Variants in RBBP8NL observed in about 807,000 individuals in gnomAD.
RBBP8NL encodes RBBP8 N-terminal-like protein.
Under a neutral mutation model 62.2 loss-of-function variants are expected in RBBP8NL, and 59 were observed. The observed-to-expected ratio is 0.95, with a 90% CI of 0.77 to 1.18. RBBP8NL has a LOEUF of 1.18. RBBP8NL is among the 50% of genes most tolerant of loss of function. The pLI is 0.00. For missense variants in RBBP8NL, 896 were observed against 899.5 expected, an observed-to-expected ratio of 1.00 and a Z score of 0.05; for synonymous variants, 412 against 394.1, an observed-to-expected ratio of 1.05 and a Z score of -0.54.
intron 13 of RBBP8NL, among the ~76,000 whole-genome samples, chr20:62,411,787 C>T (rs992359019): frequency 5.3e-5 from 8 of 152,248 alleles, no homozygotes; most frequent in Non-Finnish European, 1.2e-4. Flanking sequence ...CCCCCCGGGG[C>T]CATTTCCACC....
rs1392796446 is a variant in RBBP8NL, at chr20:62,420,351, C to A, written c.-83-621G>T. Among the ~76,000 whole-genome samples, 10 of 56,108 alleles carry A rather than the reference C, an allele frequency of 1.8e-4. No homozygotes were observed. In the East Asian group the frequency reaches 4.2e-3, roughly 24 times the overall value. 36.8% of individuals were successfully genotyped at this position (56,108 alleles called of 152,430 possible). A position where few individuals can be genotyped will look rare whatever the true frequency, so the allele number is the denominator to read the frequency against. On this transcript the variant is annotated intron_variant, in intron 1 of 13. Transcript: ENST00000252998. ...GGCAGCTTCAATCCTGTCCCACAGG[C>A]ACACACACACACACACACACACACA...
intron 1 of RBBP8NL, among the ~76,000 whole-genome samples, chr20:62,421,452 GT>G (rs1988697861): frequency 6.6e-6 from 1 of 151,318 alleles, no homozygotes; most frequent in African/African-American, 2.4e-5. Context: ...GTGTGCATGT[GT>G]GTGTGCCGTG....
In RBBP8NL at chr20:62,413,408, G is replaced by A; in HGVS notation, c.1668C>T (p.Gly556=). ...CCCAGGTGCTGACTGTACCTGGGTG[G>A]CCGTCCAGGTCAGGCGGCTGTGGGT... The part of the protein sequence containing the change: ...PPHPQPPDLD[G]HPEPSKAEVL... Residue 556 remains glycine (G), a synonymous_variant, in exon 11 of 14, where the codon GGC becomes GGT. Transcript: ENST00000252998. 1.4e-6 allele frequency: 2 copies of A among 1,445,376 alleles called. No individual in the cohort carries two copies. Among genetic ancestry groups the A allele is most frequent in the Non-Finnish European group, 9.1e-7 (1 of 1,101,404 alleles). The allele number at this position is 1,445,376 out of a possible 1,614,324, so 89.5% of individuals were successfully genotyped here. A position where few individuals can be genotyped will look rare whatever the true frequency, so the allele number is the denominator to read the frequency against.
At chr20:62,423,478 G>A (rs765477318) in intron 1 of RBBP8NL, among the ~76,000 whole-genome samples, 2 of 152,190 alleles carry the variant, frequency 1.3e-5, no homozygotes, top group Non-Finnish European at 2.9e-5. Context: ...GGGCCAGGAG[G>A]GGGCGGAGCT....
In RBBP8NL at chr20:62,413,979, G is replaced by A. The variant is rs754032472; in HGVS notation, c.1372C>T (p.Pro458Ser). Reference sequence around the variant, plus strand: ...CTGAGTGACCCATGCTGGCCGGCCGGCTTGGGAGTGTCCTGGCCCCGGGCC... The same window carrying A: ...CTGAGTGACCCATGCTGGCCGGCCGACTTGGGAGTGTCCTGGCCCCGGGCC... ...GRARGQDTPKPAGQHGSLSPA... is the reference protein window; with the variant it reads ...GRARGQDTPKSAGQHGSLSPA... The change falls in exon 10 of 14, where the codon CCG becomes TCG. Residue 458 changes from proline (P) to serine (S), a missense_variant. By Grantham distance (74) the Pro-to-Ser change is moderately conservative. Transcript: ENST00000252998. 1.1e-5 allele frequency: 17 copies of A among 1,571,570 alleles called. No individual in the cohort carries two copies. In the Admixed American group the frequency reaches 2.9e-4, roughly 27 times the overall value.
At chr20:62,416,539 T>A (rs1238988373) in intron 5 of RBBP8NL, among the ~76,000 whole-genome samples, 4 of 152,164 alleles carry the variant, frequency 2.6e-5, no homozygotes, top group Non-Finnish European at 5.9e-5. Flanking sequence ...GGGGCCGGGA[T>A]GCCCCCAGCC....
chr20:62,419,460 G>T, intron 2 of RBBP8NL, 127 bp downstream of exon 2: 1 of 1,001,684 alleles, frequency 1.0e-6, no homozygotes, highest in Non-Finnish European at 1.5e-6. Context: ...GGGCCAAAAA[G>T]ACGGGGTCCA....
At position 62,415,936 on chromosome 20, in the gene RBBP8NL, G is replaced by C; in HGVS notation, c.396C>G (p.Pro132=). The C allele has an allele frequency of 6.5e-7, 1 of 1,541,164 alleles. No individual in the cohort carries two copies. Among genetic ancestry groups the C allele is most frequent in the Non-Finnish European group, 8.7e-7 (1 of 1,145,382 alleles). ...VKRLRGLGDR[P]KPRAKEGTSD... ...AGGTGCCCTCCTTGGCCCGGGGCTTGGGCCTGTCTCTAGAGGGGAGGCAGA... is the reference window on the plus strand; with the variant it reads ...AGGTGCCCTCCTTGGCCCGGGGCTTCGGCCTGTCTCTAGAGGGGAGGCAGA... The change falls in exon 7 of 14, where the codon CCC becomes CCG. Residue 132 remains proline (P), a synonymous_variant. Transcript: ENST00000252998.
At chr20:62,413,031 C>A in intron 11 of RBBP8NL, 131 bp from the exon 12 acceptor site, 1 of 1,043,736 alleles carries the variant, frequency 9.6e-7, no homozygotes, top group South Asian at 1.5e-5. Context: ...AGTGACCTGC[C>A]CCAGGGCACT....
chr20:62,414,097 CT>C lies in RBBP8NL; in HGVS notation c.1253del (p.Gln418ArgfsTer21), dbSNP rs765059602. On this transcript the variant is annotated frameshift_variant, in exon 10 of 14. Transcript: ENST00000252998. LOFTEE classifies it high-confidence loss of function. Reference protein sequence around the residue: ...AAGLSGGRHTQPAGPGRAQRT... With the variant: ...AAGLSGGRHTXPAGPGRAQRT... The stretch of plus-strand genomic sequence containing the variant: ...TCTGGGCGCGGCCCGGGCCTGCAGG[CT>C]GTGTGTGCCGCCCTCCAGACAGGCC... 1.9e-6 allele frequency: 3 copies of C among 1,592,512 alleles called. No homozygotes were observed. Among genetic ancestry groups the C allele is most frequent in the African/African-American group, 2.7e-5 (2 of 74,636 alleles).
chr20:62,416,182 T>A lies in RBBP8NL; in HGVS notation c.368A>T (p.Lys123Met). The change falls in exon 6 of 14, where the codon AAG (lysine) becomes ATG (methionine). Residue 123 changes from lysine to methionine, a missense_variant. By Grantham distance (95) the Lys-to-Met change is moderately conservative. Coordinates refer to ENST00000252998, the MANE Select transcript of RBBP8NL (RefSeq NM_080833.3). ...EENETLKEEV[K>M]RLRGLGDRPK... ...CACTCACCCCAGGCCCCGAAGCCGC[T>A]TCACCTCCTCCTTCAAGGTCTCGTT... 6.2e-7 allele frequency: 1 copy of A among 1,612,676 alleles called. No individual in the cohort carries two copies. The highest frequency in any genetic ancestry group is 8.5e-7 in the Non-Finnish European group (1 of 1,179,650).
chr20:62,414,586 G>T lies in RBBP8NL; in HGVS notation c.795-30C>A, dbSNP rs1015713725. 3.5e-6 allele frequency: 5 copies of T among 1,411,270 alleles called. 1 individual carries two copies. In the Admixed American group the frequency reaches 9.0e-5, roughly 25 times the overall value. The allele number at this position is 1,411,270 out of a possible 1,614,324, so 87.4% of individuals were successfully genotyped here. Reference sequence around the variant, plus strand: ...GAGGGAGGAGAAGCCGAATGACCATGGCTGTGTGGAGCCGTGACCGTCCCA... The same window carrying T: ...GAGGGAGGAGAAGCCGAATGACCATTGCTGTGTGGAGCCGTGACCGTCCCA... On this transcript the variant is annotated intron_variant, in intron 9 of 13. Transcript: ENST00000252998.
chr20:62,424,707 T>A (rs2427331), intron 1 of RBBP8NL, among the ~76,000 whole-genome samples: 1 of 151,934 alleles, frequency 6.6e-6, no homozygotes, highest in African/African-American at 2.4e-5. Context: ...CTGTGGGCCC[T>A]GCCTGTCCCT....
chr20:62,421,794 C>T (rs1465062434), intron 1 of RBBP8NL, among the ~76,000 whole-genome samples: 1 of 142,052 alleles, frequency 7.0e-6, no homozygotes, highest in Non-Finnish European at 1.5e-5. Flanking sequence ...GTGTGCATGC[C>T]TGAGCCAGTG....
In RBBP8NL at chr20:62,415,944, C is replaced by CT; in HGVS notation, c.387dup (p.Asp130ArgfsTer41). 1 of 1,529,186 alleles carries CT rather than the reference C, an allele frequency of 6.5e-7. No individual in the cohort carries two copies. 94.7% of individuals were successfully genotyped at this position (1,529,186 alleles called of 1,614,324 possible). On this transcript the variant is annotated frameshift_variant and splice_region_variant, in exon 7 of 14. Transcript: ENST00000252998. LOFTEE classifies it high-confidence loss of function. Reference sequence around the variant, plus strand: ...TCCTTGGCCCGGGGCTTGGGCCTGTCTCTAGAGGGGAGGCAGAGACAGGGA... The same window carrying CT: ...TCCTTGGCCCGGGGCTTGGGCCTGTCTTCTAGAGGGGAGGCAGAGACAGGGA...
chr20:62,412,614 C>A lies in RBBP8NL; in HGVS notation c.1876+10G>T. The A allele has an allele frequency of 6.2e-7, 1 of 1,601,972 alleles. No homozygotes were observed. The highest frequency in any genetic ancestry group is 1.1e-5 in the South Asian group (1 of 90,892). ...CCCCCTTCCCTGCACCTGCCCCATG[C>A]CAGCTGTACCTTTGTCCCCAGGCTC... On this transcript the variant is annotated intron_variant, in intron 13 of 13. Transcript: ENST00000252998.
chr20:62,415,281 G>A lies in RBBP8NL; in HGVS notation c.634C>T (p.Gln212Ter). 1.3e-6 allele frequency: 2 copies of A among 1,570,832 alleles called. No homozygotes were observed. Among genetic ancestry groups the A allele is most frequent in the Non-Finnish European group, 1.7e-6 (2 of 1,165,982 alleles). ...CCGTGCAGCTGGTTGGAGATGCGCT[G>A]GGGGCTCTGTGAGGATGGGTGGGTC... The part of the protein sequence containing the change: ...PESRAPDMSP[Q>*]RISNQLHGTI... The change falls in exon 9 of 14, where the codon CAG becomes TAG. Residue 212 changes from glutamine (Q) to a stop codon, truncating the protein, a stop_gained. Transcript: ENST00000252998. LOFTEE classifies it high-confidence loss of function.
intron 10 of RBBP8NL, 32 bp downstream of exon 10, chr20:62,413,789 G>T: frequency 6.4e-7 from 1 of 1,557,694 alleles, no homozygotes; most frequent in Non-Finnish European, 8.7e-7. Context: ...GGAGGCTGAG[G>T]ACCGGGTCTG....
intron 13 of RBBP8NL, among the ~76,000 whole-genome samples, chr20:62,411,879 C>T (rs901659493): frequency 3.3e-5 from 5 of 152,246 alleles, no homozygotes; most frequent in South Asian, 2.1e-4. Context: ...GGCCACCTGC[C>T]GGCAACAATG....
Sources: allele counts gnomAD v4.1 joint callset (sites outside exome capture counted in the v4.1 genomes callset), GRCh38; gene constraint gnomAD v4.1.1; transcripts MANE v1.5; gene names NCBI Gene and HGNC (gene_info 2026-07-23, HGNC 2026-07-21).